Variants in TFAP2D observed in about 807,000 individuals in gnomAD.
TFAP2D encodes transcription factor AP-2-delta.
TFAP2D carries 9 observed loss-of-function variants against 43.6 expected under a neutral mutation model. That is an observed-to-expected ratio of 0.21 (90% CI 0.12 to 0.36). The LOEUF (loss-of-function observed/expected upper bound fraction) is 0.36. Ranked by LOEUF, TFAP2D falls within the 10% of genes least tolerant of loss-of-function variation. The probability of loss-of-function intolerance (pLI) is 1.00; values close to 1 mark genes in which losing one functional copy is unlikely to be tolerated. For missense variants in TFAP2D, 513 were observed against 561.4 expected, an observed-to-expected ratio of 0.91 and a Z score of 0.87; for synonymous variants, 256 against 224.9, an observed-to-expected ratio of 1.14 and a Z score of -1.24.
At chr6:50,733,540 C>T (rs1007199346) in intron 5 of TFAP2D, among the ~76,000 whole-genome samples, 4 of 152,088 alleles carry the variant, frequency 2.6e-5, no homozygotes, top group Admixed American at 1.3e-4. Context: ...GGAAACTATT[C>T]TCTCTAGAAA....
chr6:50,739,981 T>C (rs1463232193), intron 5 of TFAP2D, among the ~76,000 whole-genome samples: 2 of 152,184 alleles, frequency 1.3e-5, no homozygotes, highest in Non-Finnish European at 2.9e-5. Context: ...TAGAATGCAT[T>C]CCTTTCCGAA....
At chr6:50,715,717 T>A in intron 2 of TFAP2D, 104 bp downstream of exon 2, 1 of 1,155,018 alleles carries the variant, frequency 8.7e-7, no homozygotes, top group South Asian at 1.5e-5. Flanking sequence ...TCTCTCTCTC[T>A]TCTCCTCTCT....
At chr6:50,769,285 A>G (rs2113896486) in intron 7 of TFAP2D, among the ~76,000 whole-genome samples, 1 of 152,316 alleles carries the variant, frequency 6.6e-6, no homozygotes, top group Middle Eastern at 3.4e-3. Flanking sequence ...TGAAGCTTAG[A>G]GTTGGAAAGA....
Position 50,721,415 on chromosome 6 carries a change from C to T in TFAP2D, c.598+2265C>T, listed in dbSNP as rs143752441. 3.1e-3 allele frequency among the ~76,000 whole-genome samples: 467 copies of T among 152,250 alleles called. 10 individuals are homozygous for T. Among genetic ancestry groups the T allele is most frequent in the Non-Finnish European group, 6.5e-4 (44 of 68,016 alleles). On this transcript the variant is annotated intron_variant, in intron 3 of 7. Coordinates refer to ENST00000008391, the MANE Select transcript of TFAP2D (RefSeq NM_172238.4). ...TTGGAGAGGAGGGTGTGTGTCTATA[C>T]GTGTCTGTTTATTCTGAAACAATCA...
At chr6:50,741,864 A>G (rs1164586104) in intron 5 of TFAP2D, among the ~76,000 whole-genome samples, 2 of 151,924 alleles carry the variant, frequency 1.3e-5, no homozygotes, top group Non-Finnish European at 2.9e-5. Context: ...CAAACGGAAA[A>G]CATCCTGGGG....
At chr6:50,746,467 G>A (rs1769126717) in intron 6 of TFAP2D, among the ~76,000 whole-genome samples, 1 of 152,026 alleles carries the variant, frequency 6.6e-6, no homozygotes, top group Non-Finnish European at 1.5e-5. Flanking sequence ...CAAACTCCTG[G>A]GTTCAAGCAA....
intron 7 of TFAP2D, among the ~76,000 whole-genome samples, chr6:50,769,399 C>T (rs1431032862): frequency 1.3e-5 from 2 of 152,184 alleles, no homozygotes; most frequent in Non-Finnish European, 2.9e-5. Flanking sequence ...GGACTTGGTA[C>T]ACTTGGTTCT....
chr6:50,734,204 A>G (rs1416933195), intron 5 of TFAP2D, among the ~76,000 whole-genome samples: 1 of 151,958 alleles, frequency 6.6e-6, no homozygotes, highest in Non-Finnish European at 1.5e-5. Context: ...GCTCATGTAA[A>G]TTAGTTGTTT....
At position 50,751,284 on chromosome 6, in the gene TFAP2D, A is replaced by G. The variant is rs772704004; in HGVS notation, c.1099A>G (p.Ile367Val). 10 of 1,611,494 alleles carry G rather than the reference A, an allele frequency of 6.2e-6. No individual in the cohort carries two copies. The highest frequency in any genetic ancestry group is 8.5e-6 in the Non-Finnish European group (10 of 1,178,310). The change falls in exon 7 of 8, where the codon ATT (isoleucine) becomes GTT (valine). Residue 367 changes from isoleucine to valine, a missense_variant. Transcript: ENST00000008391. ...SPLGSSRPTP[I>V]LDLDIQRHLT... ...ACTGGGATCCTCCAGACCCACTCCA[A>G]TTCTAGACCTTGACATCCAGAGACA...
chr6:50,756,921 T>C (rs1458735984), intron 7 of TFAP2D, among the ~76,000 whole-genome samples: 1 of 151,896 alleles, frequency 6.6e-6, no homozygotes, highest in Non-Finnish European at 1.5e-5. Context: ...TTCCCCTCTT[T>C]GAGATTTCAG....
At chr6:50,718,585 C>T (rs987418412) in intron 2 of TFAP2D, among the ~76,000 whole-genome samples, 1 of 152,124 alleles carries the variant, frequency 6.6e-6, no homozygotes, top group African/African-American at 2.4e-5. Context: ...CTTCATACGG[C>T]CCATTTTGGG....
chr6:50,764,892 C>T (rs181833179), intron 7 of TFAP2D, among the ~76,000 whole-genome samples: 2 of 152,194 alleles, frequency 1.3e-5, no homozygotes, highest in Non-Finnish European at 2.9e-5. Context: ...CATCCATCAC[C>T]TCACATAGTT....
chr6:50,725,649 CCAA>C (rs1285315186), intron 3 of TFAP2D, among the ~76,000 whole-genome samples: 1 of 152,142 alleles, frequency 6.6e-6, no homozygotes, highest in Non-Finnish European at 1.5e-5. Context: ...TTGGTGTGGG[CCAA>C]CGTTTCATAA....
At chr6:50,716,652 C>A (rs551025588) in intron 2 of TFAP2D, among the ~76,000 whole-genome samples, 23 of 152,236 alleles carry the variant, frequency 1.5e-4, no homozygotes, top group Non-Finnish European at 2.9e-4. Flanking sequence ...AACAAATGAG[C>A]CCACAAATAC....
rs555623461 is a variant in TFAP2D, at chr6:50,749,458, A to T, written c.1026-1753A>T. The stretch of plus-strand genomic sequence containing the variant: ...TAGAAAAACTAAAAGACTGCTAAAA[A>T]CAAAAGTCTAAAAACAACACCAATC... On this transcript the variant is annotated intron_variant, in intron 6 of 7. Coordinates refer to ENST00000008391, the MANE Select transcript of TFAP2D (RefSeq NM_172238.4). Among the ~76,000 whole-genome samples, 3 of 152,020 alleles carry T rather than the reference A, an allele frequency of 2.0e-5. No individual in the cohort carries two copies. In the South Asian group the frequency reaches 6.2e-4, roughly 31 times the overall value.
intron 7 of TFAP2D, among the ~76,000 whole-genome samples, chr6:50,767,798 C>T (rs556980317): frequency 4.6e-5 from 7 of 152,130 alleles, no homozygotes; most frequent in South Asian, 2.1e-4. Flanking sequence ...TAATAGAGCA[C>T]GTGATTACAT....
Position 50,715,157 on chromosome 6 carries a change from T to C in TFAP2D, c.81T>C (p.Leu27=). 6.2e-7 allele frequency: 1 copy of C among 1,614,106 alleles called. No individual in the cohort carries two copies. The highest frequency in any genetic ancestry group is 8.5e-7 in the Non-Finnish European group (1 of 1,180,022). Residue 27 remains leucine, a synonymous_variant, in exon 2 of 8, where the codon CTT becomes CTC. Transcript: ENST00000008391. ...CAAACAGCTACCGTTTGATGCAGCT[T>C]GGCTGTCTGGAGTCAGTAGCCAATT... ...DGSNSYRLMQ[L]GCLESVANST... is the part of the protein sequence containing the mutation.
chr6:50,740,046 C>A (rs1223406852), intron 5 of TFAP2D, among the ~76,000 whole-genome samples: 1 of 152,166 alleles, frequency 6.6e-6, no homozygotes, highest in Non-Finnish European at 1.5e-5. Context: ...TGTGCTTCAG[C>A]TCCAGGGTTT....
At chr6:50,751,093 A>G in intron 6 of TFAP2D, 118 bp from the exon 7 acceptor site, 1 of 699,358 alleles carries the variant, frequency 1.4e-6, no homozygotes. Flanking sequence ...AGGTTGCTTT[A>G]TGAAATGTTA....
Sources: allele counts gnomAD v4.1 joint callset (sites outside exome capture counted in the v4.1 genomes callset), GRCh38; gene constraint gnomAD v4.1.1; transcripts MANE v1.5; gene names NCBI Gene and HGNC (gene_info 2026-07-23, HGNC 2026-07-21).